The following KHDRBS3 variants were observed in gnomAD, a reference collection of about 807,000 sequenced individuals.
KHDRBS3 encodes the protein KH RNA binding domain containing, signal transduction associated 3.
In KHDRBS3, 23 loss-of-function variants were observed where a neutral mutation model predicts 45.6. The observed-to-expected ratio is 0.50, with a 90% CI of 0.36 to 0.72. KHDRBS3 has a LOEUF of 0.72. KHDRBS3 is among the 30% of genes least tolerant of loss of function. The pLI is 0.00. For synonymous variants in KHDRBS3, 162 were observed against 156.5 expected (o/e 1.04, Z -0.26); for missense variants, 352 against 424.8 (o/e 0.83, Z 1.51).
intron 1 of KHDRBS3, among the ~76,000 whole-genome samples, chr8:135,487,558 C>T (rs1822926369): frequency 6.6e-6 from 1 of 152,078 alleles, no homozygotes; most frequent in Admixed American, 6.5e-5. Context: ...TGGAAGCGTG[C>T]CCCAAGCATG....
rs1436192345 is a variant in KHDRBS3, at chr8:135,542,783, AT to A, written c.324+14del. ...AGACAAGGCCAAGGTAATATTAATT[AT>A]AGAAAACGGCTAAGTTGTGTATCAT... is the stretch of plus-strand genomic sequence containing the variant. On this transcript the variant is annotated intron_variant, in intron 3 of 8. Coordinates refer to ENST00000355849, the MANE Select transcript of KHDRBS3 (RefSeq NM_006558.3). The A allele has an allele frequency of 1.3e-6, 2 of 1,527,182 alleles. No homozygotes were observed. Among genetic ancestry groups the A allele is most frequent in the Admixed American group, 3.4e-5 (2 of 59,336 alleles). The allele number at this position is 1,527,182 out of a possible 1,614,324, so 94.6% of individuals were successfully genotyped here. A position where few individuals can be genotyped will look rare whatever the true frequency, so the allele number is the denominator to read the frequency against.
At chr8:135,570,726 A>G (rs1307061489) in intron 5 of KHDRBS3, among the ~76,000 whole-genome samples, 1 of 152,114 alleles carries the variant, frequency 6.6e-6, no homozygotes, top group Non-Finnish European at 1.5e-5. Context: ...TTTAATCCCA[A>G]CTAGGCTTGT....
chr8:135,476,906 A>G (rs144582428), intron 1 of KHDRBS3, among the ~76,000 whole-genome samples: 153 of 152,318 alleles, frequency 1.0e-3, no homozygotes, highest in Non-Finnish European at 1.9e-3. Context: ...TTTACCAGCA[A>G]TTGATATAGT....
At chr8:135,637,104 A>G (rs983470406) in intron 7 of KHDRBS3, among the ~76,000 whole-genome samples, 2 of 152,198 alleles carry the variant, frequency 1.3e-5, no homozygotes, top group Non-Finnish European at 2.9e-5. Flanking sequence ...TCTGGAGCAT[A>G]TTATTCAATA....
At chr8:135,496,066 G>A (rs1199970140) in intron 1 of KHDRBS3, among the ~76,000 whole-genome samples, 2 of 150,298 alleles carry the variant, frequency 1.3e-5, no homozygotes, top group Non-Finnish European at 1.5e-5. Flanking sequence ...GTGTGAGATA[G>A]AGCACACTGA....
At chr8:135,573,773 G>A (rs10112960) in intron 5 of KHDRBS3, among the ~76,000 whole-genome samples, 3,266 of 151,928 alleles carry the variant, frequency 0.021, 122 homozygotes, top group African/African-American at 0.075. Context: ...TTCTTCCCAT[G>A]GCAGCTCACT....
intron 3 of KHDRBS3, among the ~76,000 whole-genome samples, chr8:135,546,754 A>G (rs990144517): frequency 2.0e-5 from 3 of 152,134 alleles, no homozygotes; most frequent in Non-Finnish European, 4.4e-5. Context: ...TAATCTGCCC[A>G]AGTCATACAG....
chr8:135,528,036 T>C (rs1364567787), intron 2 of KHDRBS3, among the ~76,000 whole-genome samples: 1 of 152,228 alleles, frequency 6.6e-6, no homozygotes, highest in Non-Finnish European at 1.5e-5. Context: ...TTTAGTGTGC[T>C]ATGTTAAGTC....
chr8:135,551,591 G>A (rs1049904476), intron 4 of KHDRBS3, among the ~76,000 whole-genome samples: 14 of 152,220 alleles, frequency 9.2e-5, no homozygotes, highest in Admixed American at 3.9e-4. Context: ...TTTGCATTCC[G>A]AGGATAATTC....
At chr8:135,625,776 T>C (rs577537579) in intron 7 of KHDRBS3, 2 of 766,472 alleles carry the variant, frequency 2.6e-6, no homozygotes, top group East Asian at 4.9e-5. Flanking sequence ...GATGCACCCG[T>C]GTTCTAGCTT....
At chr8:135,505,426 C>G (rs978775129) in intron 1 of KHDRBS3, among the ~76,000 whole-genome samples, 2 of 152,156 alleles carry the variant, frequency 1.3e-5, no homozygotes, top group African/African-American at 4.8e-5. Context: ...AGCGTAGTCT[C>G]TGGCACATTG....
chr8:135,512,668 A>G (rs1563733526), intron 1 of KHDRBS3, among the ~76,000 whole-genome samples: 1 of 152,284 alleles, frequency 6.6e-6, no homozygotes, highest in East Asian at 1.9e-4. Flanking sequence ...CATTTATTCA[A>G]CCATTTAGTA....
rs142098731 is a variant in KHDRBS3, at chr8:135,620,955, A to G, written c.890+13918A>G. Among the ~76,000 whole-genome samples, 208 of 152,322 alleles carry G rather than the reference A, an allele frequency of 1.4e-3. 4 individuals are homozygous for G. In the East Asian group the frequency reaches 0.037, roughly 27 times the overall value. ...CAACACCTAATGCAGTGCTGATCAGAAAGGTGATCTATGTGTGTTCTTCAG... is the reference window on the plus strand; with the variant it reads ...CAACACCTAATGCAGTGCTGATCAGGAAGGTGATCTATGTGTGTTCTTCAG... On this transcript the variant is annotated intron_variant, in intron 7 of 8. Transcript: ENST00000355849.
At chr8:135,566,936 CA>C (rs1328874121) in intron 5 of KHDRBS3, among the ~76,000 whole-genome samples, 2 of 152,140 alleles carry the variant, frequency 1.3e-5, no homozygotes, top group Non-Finnish European at 2.9e-5. Context: ...GAGCAATAAA[CA>C]GTTAATAGAA....
At chr8:135,462,145 C>T (rs867207883) in intron 1 of KHDRBS3, among the ~76,000 whole-genome samples, 1 of 151,732 alleles carries the variant, frequency 6.6e-6, no homozygotes, top group Non-Finnish European at 1.5e-5. Context: ...GGTATGGTGC[C>T]TTCATGCTAT....
intron 1 of KHDRBS3, among the ~76,000 whole-genome samples, chr8:135,497,037 T>C (rs1279267132): frequency 6.6e-6 from 1 of 152,176 alleles, no homozygotes; most frequent in Non-Finnish European, 1.5e-5. Context: ...TTTGGTTCAG[T>C]CAGTCAGTAA....
intron 5 of KHDRBS3, among the ~76,000 whole-genome samples, chr8:135,569,924 A>G (rs1183213805): frequency 1.3e-5 from 2 of 151,206 alleles, no homozygotes; most frequent in East Asian, 3.9e-4. Flanking sequence ...GTTTTTTAAG[A>G]AGAAAGAAAA....
At chr8:135,619,249 A>G (rs1448967588) in intron 7 of KHDRBS3, among the ~76,000 whole-genome samples, 1 of 152,176 alleles carries the variant, frequency 6.6e-6, no homozygotes, top group Non-Finnish European at 1.5e-5. Flanking sequence ...AAATGAATTT[A>G]TGTTGTTTGT....
chr8:135,515,537 G>A (rs1464602566), intron 1 of KHDRBS3, among the ~76,000 whole-genome samples: 2 of 151,846 alleles, frequency 1.3e-5, no homozygotes, highest in African/African-American at 4.8e-5. Context: ...GATATGCATG[G>A]TACAAGACCT....
Sources: gnomAD v4.1 joint callset for allele counts (sites outside exome capture counted in the v4.1 genomes callset) on GRCh38, gnomAD v4.1.1 for gene constraint, MANE v1.5 for transcripts, NCBI Gene and HGNC (gene_info 2026-07-23, HGNC 2026-07-21) for gene names.